The following DLGAP2 variants were observed in gnomAD, a reference collection of about 807,000 sequenced individuals.
DLGAP2 encodes the protein disks large-associated protein 2.
In DLGAP2, 26 loss-of-function variants were observed where a neutral mutation model predicts 100.3. The observed-to-expected ratio is 0.26, with a 90% CI of 0.19 to 0.36. The LOEUF (loss-of-function observed/expected upper bound fraction) is 0.36, where lower values mean the gene tolerates loss of function less well. Among genes scored for constraint, DLGAP2 ranks in the 10% least tolerant of loss-of-function variants. The probability of loss-of-function intolerance (pLI) is 1.00; values close to 1 mark genes in which losing one functional copy is unlikely to be tolerated. For missense variants in DLGAP2, 1,858 were observed against 1,453.2 expected (o/e 1.28, Z -4.53); for synonymous variants, 886 against 630.1 (o/e 1.41, Z -6.08).
intron 3 of DLGAP2, among the ~76,000 whole-genome samples, chr8:1,430,573 A>G (rs907541213): frequency 6.6e-6 from 1 of 152,176 alleles, no homozygotes; most frequent in Non-Finnish European, 1.5e-5. Flanking sequence ...TGGGCCTCAG[A>G]GGTTTTGTAT....
chr8:1,356,331 C>T (rs953902477), intron 3 of DLGAP2, among the ~76,000 whole-genome samples: 9 of 152,222 alleles, frequency 5.9e-5, no homozygotes, highest in African/African-American at 2.2e-4. Flanking sequence ...TCAACGTTTA[C>T]AGGCAGTAAA....
chr8:1,563,985 T>C (rs938678134), intron 5 of DLGAP2, among the ~76,000 whole-genome samples: 2 of 152,228 alleles, frequency 1.3e-5, no homozygotes, highest in East Asian at 3.8e-4. Context: ...AAATTTTTTA[T>C]TTTCTTTCTC....
chr8:1,674,239 C>T (rs904086746), intron 10 of DLGAP2, among the ~76,000 whole-genome samples: 1 of 152,038 alleles, frequency 6.6e-6, no homozygotes, highest in African/African-American at 2.4e-5. Context: ...GAGATGGGGT[C>T]TTGCCATGTT....
intron 1 of DLGAP2, among the ~76,000 whole-genome samples, chr8:879,439 C>T (rs1397355000): frequency 2.0e-5 from 3 of 152,264 alleles, no homozygotes; most frequent in South Asian, 2.1e-4. Flanking sequence ...GTCACTTTCC[C>T]CAGGTGGGGG....
At chr8:1,283,121 G>A (rs58890256) in intron 3 of DLGAP2, among the ~76,000 whole-genome samples, 25 of 130,572 alleles carry the variant, frequency 1.9e-4, no homozygotes, top group African/African-American at 1.1e-4. Flanking sequence ...TGAACCATCC[G>A]GACATGGTGT....
intron 2 of DLGAP2, among the ~76,000 whole-genome samples, chr8:1,235,415 A>C (rs1264282573): frequency 7.7e-6 from 1 of 129,812 alleles, no homozygotes; most frequent in Admixed American, 7.8e-5. Flanking sequence ...CTCACGTGGC[A>C]TCGTGTCTAG....
At chr8:905,735 G>A (rs1798365418) in intron 1 of DLGAP2, among the ~76,000 whole-genome samples, 1 of 152,154 alleles carries the variant, frequency 6.6e-6, no homozygotes, top group East Asian at 1.9e-4. Context: ...GGGGGCGCCA[G>A]CTCCCATGGA....
intron 3 of DLGAP2, among the ~76,000 whole-genome samples, chr8:1,486,832 G>C (rs1260379473): frequency 1.3e-5 from 2 of 152,198 alleles, no homozygotes; most frequent in Admixed American, 6.5e-5. Context: ...ATGCATTTAT[G>C]CAGCTGCTAA....
intron 2 of DLGAP2, among the ~76,000 whole-genome samples, chr8:960,502 T>C (rs1172082943): frequency 6.6e-6 from 1 of 152,090 alleles, no homozygotes; most frequent in Non-Finnish European, 1.5e-5. Flanking sequence ...CCCAAAGTGC[T>C]GGGATTACAA....
In DLGAP2 at chr8:833,197, C is replaced by T. The variant is rs537795927; in HGVS notation, c.19-74715C>T. On this transcript the variant is annotated intron_variant, in intron 1 of 14. Coordinates refer to ENST00000637795, the MANE Select transcript of DLGAP2 (RefSeq NM_001346810.2). ...CTGTCAGAGTAGTGGTGACATCACC[C>T]AATTATTCCTAAGACTTTGGGAAGG... Among the ~76,000 whole-genome samples the T allele has an allele frequency of 1.4e-4, 21 of 152,310 alleles. No individual in the cohort carries two copies. In the South Asian group the frequency reaches 4.3e-3, roughly 32 times the overall value.
intron 2 of DLGAP2, among the ~76,000 whole-genome samples, chr8:1,191,587 C>T (rs1284639709): frequency 6.6e-6 from 1 of 152,212 alleles, no homozygotes; most frequent in Non-Finnish European, 1.5e-5. Context: ...GCACTTCTTA[C>T]ATAGAACAAG....
intron 1 of DLGAP2, among the ~76,000 whole-genome samples, chr8:758,523 G>A (rs1318138016): frequency 1.3e-5 from 2 of 152,256 alleles, no homozygotes; most frequent in Admixed American, 6.5e-5. Context: ...ATCCCAAGGT[G>A]CCCGGGAGAA....
chr8:1,208,475 C>T (rs900484098), intron 2 of DLGAP2, among the ~76,000 whole-genome samples: 14 of 152,178 alleles, frequency 9.2e-5, no homozygotes, highest in African/African-American at 3.4e-4. Flanking sequence ...AAGGGACATA[C>T]TTTAAGTTTA....
intron 3 of DLGAP2, among the ~76,000 whole-genome samples, chr8:1,414,733 G>C (rs2129899532): frequency 6.6e-6 from 1 of 152,316 alleles, no homozygotes; most frequent in East Asian, 1.9e-4. Flanking sequence ...GTCTGGCTGG[G>C]CACGGTGGTG....
At chr8:884,202 T>G (rs1797876430) in intron 1 of DLGAP2, among the ~76,000 whole-genome samples, 1 of 152,212 alleles carries the variant, frequency 6.6e-6, no homozygotes, top group Admixed American at 6.5e-5. Flanking sequence ...TCTGGAACCT[T>G]GAGGAATTGT....
intron 2 of DLGAP2, among the ~76,000 whole-genome samples, chr8:1,097,252 C>T (rs1165930937): frequency 4.2e-4 from 50 of 118,922 alleles, no homozygotes; most frequent in Middle Eastern, 6.8e-3. Context: ...TCCCCTCCAG[C>T]GTGAGACCCA....
At chr8:1,319,384 G>A (rs1800843012) in intron 3 of DLGAP2, among the ~76,000 whole-genome samples, 1 of 152,208 alleles carries the variant, frequency 6.6e-6, no homozygotes, top group African/African-American at 2.4e-5. Flanking sequence ...GGCCACGTGT[G>A]GAAACCTCCT....
At chr8:1,110,380 A>C (rs974366168) in intron 2 of DLGAP2, among the ~76,000 whole-genome samples, 1 of 117,606 alleles carries the variant, frequency 8.5e-6, no homozygotes, top group African/African-American at 3.4e-5. Flanking sequence ...GCATGTGCTT[A>C]TGGAGTATGC....
intron 2 of DLGAP2, among the ~76,000 whole-genome samples, chr8:1,225,662 A>T (rs770275414): frequency 6.6e-6 from 1 of 152,260 alleles, no homozygotes; most frequent in Non-Finnish European, 1.5e-5. Context: ...TCTTAGGTGA[A>T]ATGAACAAAT....
Sources: gnomAD v4.1 joint callset for allele counts (sites outside exome capture counted in the v4.1 genomes callset) on GRCh38, gnomAD v4.1.1 for gene constraint, MANE v1.5 for transcripts, NCBI Gene and HGNC (gene_info 2026-07-23, HGNC 2026-07-21) for gene names.